Variants in SCUBE1 observed in about 807,000 individuals in gnomAD.
SCUBE1 encodes signal peptide, CUB domain and EGF like domain containing 1.
In SCUBE1, 59 loss-of-function variants were observed where a neutral mutation model predicts 124.4. That is an observed-to-expected ratio of 0.47 (90% confidence interval 0.38 to 0.59). The LOEUF is 0.59. SCUBE1 is among the 20% of genes least tolerant of loss of function. SCUBE1 has a pLI of 0.00. For synonymous variants in SCUBE1, 545 were observed against 550.9 expected (o/e 0.99, Z 0.15); for missense variants, 1,150 against 1,371.2 (o/e 0.84, Z 2.55).
chr22:43,204,220 G>C (rs538026823), intron 21 of SCUBE1, 71 bp from the exon 22 acceptor site: 15 of 1,435,432 alleles, frequency 1.0e-5, no homozygotes, highest in South Asian at 2.4e-5. Context: ...TTGCCAGGCT[G>C]GGGGAGGGGA....
intron 6 of SCUBE1, among the ~76,000 whole-genome samples, chr22:43,251,375 T>A (rs1222129203): frequency 6.6e-6 from 1 of 152,204 alleles, no homozygotes; most frequent in Non-Finnish European, 1.5e-5. Context: ...TTAGGCAGAA[T>A]AATGCCCCCT....
intron 11 of SCUBE1, 53 bp from the exon 12 acceptor site, chr22:43,222,795 C>T (rs1922151612): frequency 7.2e-7 from 1 of 1,396,650 alleles, no homozygotes; most frequent in Non-Finnish European, 9.9e-7. Context: ...CTCCCACGGC[C>T]CTCAGATTCT....
chr22:43,248,516 G>A (rs1310484771), intron 6 of SCUBE1, among the ~76,000 whole-genome samples: 1 of 152,240 alleles, frequency 6.6e-6, no homozygotes, highest in Non-Finnish European at 1.5e-5. Context: ...TCAACTGAGG[G>A]CAGGGCCCAG....
chr22:43,212,378 G>A (rs1475926282), intron 17 of SCUBE1, 47 bp downstream of exon 17: 1 of 1,538,560 alleles, frequency 6.5e-7, no homozygotes, highest in East Asian at 2.4e-5. Context: ...GAGCAGTGCA[G>A]CCCTGCCTCT....
rs1920957771 is a variant in SCUBE1, at chr22:43,198,462, C to G, written c.*5535G>C. On this transcript the variant is annotated 3_prime_UTR_variant, in exon 22 of 22. Coordinates refer to ENST00000360835, the MANE Select transcript of SCUBE1 (RefSeq NM_173050.5). ...TCAGGCCAACCCCAGCTCTGCCTGCCCAGGACTTACTCCTGGAAGGGCCAG... is the reference window on the plus strand; with the variant it reads ...TCAGGCCAACCCCAGCTCTGCCTGCGCAGGACTTACTCCTGGAAGGGCCAG... 4.6e-6 allele frequency: 2 copies of G among 433,016 alleles called. No individual in the cohort carries two copies. The highest frequency in any genetic ancestry group is 9.4e-6 in the Non-Finnish European group (2 of 213,456). The allele number at this position is 433,016 out of a possible 1,614,324, so 26.8% of individuals were successfully genotyped here. A position where few individuals can be genotyped will look rare whatever the true frequency, so the allele number is the denominator to read the frequency against.
intron 2 of SCUBE1, among the ~76,000 whole-genome samples, chr22:43,332,084 C>T (rs1334626144): frequency 4.6e-5 from 7 of 152,022 alleles, no homozygotes; most frequent in African/African-American, 1.2e-4. Context: ...GTCAGGAGTT[C>T]GAGACCAACC....
At position 43,226,677 on chromosome 22, in the gene SCUBE1, AC is replaced by A. The variant is rs905920495; in HGVS notation, c.1207+696del. Among the ~76,000 whole-genome samples the A allele has an allele frequency of 9.1e-4, 139 of 152,170 alleles. 1 individual carries two copies. Among genetic ancestry groups the A allele is most frequent in the African/African-American group, 3.2e-3 (134 of 41,500 alleles). ...TGAGCCCAGAGGGATGTTCTAACTTACATTTAAAAGGCTCACTTAGGCTGCC... is the reference window on the plus strand; with the variant it reads ...TGAGCCCAGAGGGATGTTCTAACTTAATTTAAAAGGCTCACTTAGGCTGCC... On this transcript the variant is annotated intron_variant, in intron 10 of 21. Coordinates refer to ENST00000360835, the MANE Select transcript of SCUBE1 (RefSeq NM_173050.5).
intron 12 of SCUBE1, among the ~76,000 whole-genome samples, chr22:43,221,713 T>G (rs1265376835): frequency 6.6e-6 from 1 of 152,236 alleles, no homozygotes; most frequent in Non-Finnish European, 1.5e-5. Context: ...TCATAGCCCT[T>G]GGACTAAAGA....
chr22:43,275,480 G>C (rs1363451972), intron 4 of SCUBE1, among the ~76,000 whole-genome samples: 3 of 152,222 alleles, frequency 2.0e-5, no homozygotes, highest in African/African-American at 7.2e-5. Context: ...TGTGTGAGAC[G>C]TGAGAAACAC....
intron 3 of SCUBE1, among the ~76,000 whole-genome samples, chr22:43,307,889 A>C (rs1369329295): frequency 6.6e-6 from 1 of 152,246 alleles, no homozygotes; most frequent in Non-Finnish European, 1.5e-5. Flanking sequence ...CAGTGGCCTA[A>C]GGAGCCTGAC....
At chr22:43,279,009 T>C (rs979948770) in intron 4 of SCUBE1, among the ~76,000 whole-genome samples, 8 of 150,996 alleles carry the variant, frequency 5.3e-5, no homozygotes, top group African/African-American at 1.9e-4. Context: ...CAAGCCAGAG[T>C]GGGAGAGGCA....
At chr22:43,225,494 C>T (rs1033002501) in intron 10 of SCUBE1, among the ~76,000 whole-genome samples, 2 of 151,284 alleles carry the variant, frequency 1.3e-5, no homozygotes, top group Admixed American at 6.6e-5. Context: ...GCAGTAGAAG[C>T]GGCCGGGCTC....
At position 43,286,398 on chromosome 22, in the gene SCUBE1, C is replaced by A. The variant is rs201461416; in HGVS notation, c.484+4648G>T. On this transcript the variant is annotated intron_variant, in intron 4 of 21. Transcript: ENST00000360835. The stretch of plus-strand genomic sequence containing the variant: ...CGTTTCCTCTCACTTTGGTGCCTTC[C>A]ACCAAGGCTGAGGCCAGCCCACAGG... Among the ~76,000 whole-genome samples, 246 of 152,350 alleles carry A rather than the reference C, an allele frequency of 1.6e-3. 2 individuals carry two copies. The highest frequency in any genetic ancestry group is 3.0e-3 in the Non-Finnish European group (201 of 68,036).
In SCUBE1 at chr22:43,281,460, C is replaced by CTTT. The variant is rs1569010667; in HGVS notation, c.484+9585_484+9586insAAA. Among the ~76,000 whole-genome samples, 610 of 63,090 alleles carry CTTT rather than the reference C, an allele frequency of 9.7e-3. 35 individuals carry two copies. The highest frequency in any genetic ancestry group is 0.033 in the East Asian group (28 of 836). The allele number at this position is 63,090 out of a possible 152,430, so 41.4% of individuals were successfully genotyped here. Reference sequence around the variant, plus strand: ...TTGGCCACCCTCCTGTCATCTCCCTCAGCCACCCTCCTGTCACCTCCCTCT... The same window carrying CTTT: ...TTGGCCACCCTCCTGTCATCTCCCTCTTTAGCCACCCTCCTGTCACCTCCCTCT... On this transcript the variant is annotated intron_variant, in intron 4 of 21. Transcript: ENST00000360835.
Position 43,223,109 on chromosome 22 carries a change from G to C in SCUBE1, c.1315C>G (p.Leu439Val), listed in dbSNP as rs751179452. The change falls in exon 11 of 22, where the codon CTC (leucine) becomes GTC (valine). Residue 439 changes from leucine to valine, a missense_variant. Leu to Val is a conservative substitution (Grantham distance 32, BLOSUM62 1). This residue lies in a region of SCUBE1 where 757 missense variants were observed against 840.9 expected (regional missense o/e 0.90). Coordinates refer to ENST00000360835, the MANE Select transcript of SCUBE1 (RefSeq NM_173050.5). ...CGGCCCGGGTTACCTGGCACGAAGA[G>C]TGTGTGAGCCGGGCAGGAAAGGAAG... ...SCFLSCPAHT[L>V]FVPDSENSYV... The C allele has an allele frequency of 3.2e-6, 5 of 1,550,396 alleles. No individual in the cohort carries two copies. Among genetic ancestry groups the C allele is most frequent in the Non-Finnish European group, 4.3e-6 (5 of 1,154,794 alleles).
intron 6 of SCUBE1, among the ~76,000 whole-genome samples, chr22:43,247,772 G>A (rs77709492): frequency 0.1 from 15,649 of 152,308 alleles, 938 homozygotes; most frequent in East Asian, 0.18. Context: ...GGGTGGCAGA[G>A]GGGCCCGGTC....
At chr22:43,208,555 A>G (rs535609037) in intron 19 of SCUBE1, among the ~76,000 whole-genome samples, 1 of 151,846 alleles carries the variant, frequency 6.6e-6, no homozygotes, top group East Asian at 1.9e-4. Context: ...ATCTCCCTCC[A>G]GCTAACTGCT....
rs751714478 is a variant in SCUBE1 at position 43,210,160 on chromosome 22, C to T, written c.2464G>A (p.Ala822Thr). The change falls in exon 19 of 22, where the codon GCT (alanine) becomes ACT (threonine). Residue 822 changes from alanine (A) to threonine (T), a missense_variant. This residue lies in a region of SCUBE1 where 757 missense variants were observed against 840.9 expected (regional missense o/e 0.90). Coordinates refer to ENST00000360835, the MANE Select transcript of SCUBE1 (RefSeq NM_173050.5). This position sits in a 1 kb window ranked among gnomAD's most constrained non-coding sequence, Gnocchi z 4.5. ...GGCGCGATGTGCCAGACGCATTCAG[C>T]GTTGGCTGGGTAGTCGCCAGGGTAG... The part of the protein sequence containing the change: ...PNYPGDYPAN[A>T]ECVWHIAPPP... 5.6e-6 allele frequency: 9 copies of T among 1,609,268 alleles called. No homozygotes were observed. The highest frequency in any genetic ancestry group is 4.5e-5 in the East Asian group (2 of 44,750).
At chr22:43,297,989 C>T (rs544762699) in intron 3 of SCUBE1, among the ~76,000 whole-genome samples, 7 of 152,314 alleles carry the variant, frequency 4.6e-5, no homozygotes, top group East Asian at 1.9e-4. Context: ...TCTTAGGAAG[C>T]GAACTCCACC....
Sources: allele counts gnomAD v4.1 joint callset (sites outside exome capture counted in the v4.1 genomes callset), GRCh38; gene constraint gnomAD v4.1.1; regional missense constraint gnomAD v4.1.1; non-coding constraint Gnocchi (gnomAD v3.1); transcripts MANE v1.5; gene names NCBI Gene and HGNC (gene_info 2026-07-23, HGNC 2026-07-21).